The following CDH13 variants were observed in gnomAD, a reference collection of about 807,000 sequenced individuals.
CDH13 encodes cadherin 13, also known as cadherin-13.
A neutral mutation model predicts 63.8 loss-of-function variants in CDH13; 24 were observed. That is an observed-to-expected ratio of 0.38 (90% confidence interval 0.27 to 0.53). The LOEUF (loss-of-function observed/expected upper bound fraction) is 0.53, where lower values mean the gene tolerates loss of function less well. Among genes scored for constraint, CDH13 ranks in the 20% least tolerant of loss-of-function variants. The probability of loss-of-function intolerance (pLI) is 0.85; values close to 1 mark genes in which losing one functional copy is unlikely to be tolerated. For missense variants in CDH13, 1,049 were observed against 903.1 expected (o/e 1.16, Z -2.07); for synonymous variants, 503 against 355.3 (o/e 1.42, Z -4.67).
At chr16:83,025,264 A>G (rs747912011) in intron 2 of CDH13, among the ~76,000 whole-genome samples, 3 of 152,214 alleles carry the variant, frequency 2.0e-5, no homozygotes, top group Non-Finnish European at 4.4e-5. Context: ...GTCGAGGATT[A>G]AAGAATATAG....
At chr16:82,968,777 C>T (rs1223674627) in intron 2 of CDH13, among the ~76,000 whole-genome samples, 1 of 152,186 alleles carries the variant, frequency 6.6e-6, no homozygotes, top group African/African-American at 2.4e-5. Flanking sequence ...CCGTTCCCCT[C>T]AATAGGCTGT....
At chr16:83,158,003 C>A (rs777266194) in intron 4 of CDH13, among the ~76,000 whole-genome samples, 2 of 152,140 alleles carry the variant, frequency 1.3e-5, no homozygotes, top group Non-Finnish European at 2.9e-5. Flanking sequence ...CAGCCCCCAA[C>A]CAATGCATGC....
chr16:82,706,328 C>T (rs1195583099), intron 1 of CDH13, among the ~76,000 whole-genome samples: 1 of 152,058 alleles, frequency 6.6e-6, no homozygotes, highest in African/African-American at 2.4e-5. Flanking sequence ...GAAAAATGGC[C>T]AGCGAGTATT....
chr16:83,036,898 T>C (rs1411237245), intron 3 of CDH13, among the ~76,000 whole-genome samples: 1 of 152,148 alleles, frequency 6.6e-6, no homozygotes, highest in African/African-American at 2.4e-5. Flanking sequence ...GGGTCCACTT[T>C]TCTTGGCCAG....
rs560360111 is a variant in CDH13, at chr16:83,370,868, A to G, written c.781+25862A>G. Among the ~76,000 whole-genome samples the G allele has an allele frequency of 5.9e-5, 9 of 152,272 alleles. No homozygotes were observed. In the East Asian group the frequency reaches 1.2e-3, roughly 20 times the overall value. ...GTACCATATTTCTTTAATCCAGTCT[A>G]CTGTTGATGGGCATTTAGGTTGAAT... is the stretch of plus-strand genomic sequence containing the variant. On this transcript the variant is annotated intron_variant, in intron 6 of 13. Coordinates refer to ENST00000567109, the MANE Select transcript of CDH13 (RefSeq NM_001257.5).
chr16:83,297,336 G>T (rs770087159), intron 5 of CDH13, among the ~76,000 whole-genome samples: 1 of 152,066 alleles, frequency 6.6e-6, no homozygotes, highest in Non-Finnish European at 1.5e-5. Flanking sequence ...AGCTCACATT[G>T]TACCACATAA....
At chr16:83,772,105 A>G (rs998661719) in intron 11 of CDH13, among the ~76,000 whole-genome samples, 1 of 152,218 alleles carries the variant, frequency 6.6e-6, no homozygotes, top group African/African-American at 2.4e-5. Flanking sequence ...TGAGAACCTT[A>G]AATGAGATGC....
At chr16:83,563,233 G>A (rs1258236147) in intron 7 of CDH13, among the ~76,000 whole-genome samples, 1 of 152,174 alleles carries the variant, frequency 6.6e-6, no homozygotes, top group Non-Finnish European at 1.5e-5. Flanking sequence ...TAATAACATG[G>A]GGAAGCATTA....
rs9930819 is a variant in CDH13 at position 83,082,880 on chromosome 16, C to T, written c.367-42505C>T. On this transcript the variant is annotated intron_variant, in intron 3 of 13. Coordinates refer to ENST00000567109, the MANE Select transcript of CDH13 (RefSeq NM_001257.5). The stretch of plus-strand genomic sequence containing the variant: ...GCTGTTTTAACAGCAACAGTGAATT[C>T]GCACGTTTGTTTTTCAGGCCATGCA... Among the ~76,000 whole-genome samples, 148 of 152,250 alleles carry T rather than the reference C, an allele frequency of 9.7e-4. 2 individuals are homozygous for T. The highest frequency in any genetic ancestry group is 3.2e-3 in the African/African-American group (134 of 41,548).
chr16:83,235,574 G>T (rs1032363137), intron 5 of CDH13, among the ~76,000 whole-genome samples: 1 of 87,752 alleles, frequency 1.1e-5, no homozygotes, highest in Non-Finnish European at 2.1e-5. Flanking sequence ...TTTATTCTAT[G>T]TGGTGGTGTT....
At chr16:82,664,447 T>C (rs1035464721) in intron 1 of CDH13, among the ~76,000 whole-genome samples, 2 of 152,202 alleles carry the variant, frequency 1.3e-5, no homozygotes, top group African/African-American at 4.8e-5. Context: ...GGGGGCTCAG[T>C]TGCTTGGAAA....
chr16:83,662,349 G>A (rs1457195102), intron 8 of CDH13, among the ~76,000 whole-genome samples: 1 of 152,150 alleles, frequency 6.6e-6, no homozygotes, highest in Non-Finnish European at 1.5e-5. Flanking sequence ...GAGATAACAT[G>A]CAAATCCTTT....
intron 6 of CDH13, among the ~76,000 whole-genome samples, chr16:83,386,756 T>C (rs2091682365): frequency 6.6e-6 from 1 of 152,204 alleles, no homozygotes; most frequent in Non-Finnish European, 1.5e-5. Context: ...GTTTGGGGGA[T>C]GTTTGTTGGC....
At chr16:82,962,111 C>A (rs930596859) in intron 2 of CDH13, among the ~76,000 whole-genome samples, 1 of 152,216 alleles carries the variant, frequency 6.6e-6, no homozygotes. Flanking sequence ...GCAAAAGAGT[C>A]TTTGCAGAGG....
intron 7 of CDH13, among the ~76,000 whole-genome samples, chr16:83,527,343 G>A (rs903217559): frequency 3.0e-4 from 45 of 151,988 alleles, no homozygotes; most frequent in African/African-American, 1.0e-3. Context: ...CAGCTACTTG[G>A]GAGGCTGAGG....
At chr16:82,761,786 C>A (rs561169514) in intron 1 of CDH13, among the ~76,000 whole-genome samples, 1 of 152,106 alleles carries the variant, frequency 6.6e-6, no homozygotes, top group Non-Finnish European at 1.5e-5. Flanking sequence ...TGATTCAAAG[C>A]TGTGAGATTT....
At chr16:83,604,813 C>A (rs917443778) in intron 8 of CDH13, among the ~76,000 whole-genome samples, 1 of 152,116 alleles carries the variant, frequency 6.6e-6, no homozygotes, top group Non-Finnish European at 1.5e-5. Flanking sequence ...TCTGTGTTAC[C>A]AGCTGTGTGA....
chr16:83,441,108 T>C (rs138736491), intron 6 of CDH13, among the ~76,000 whole-genome samples: 18 of 152,316 alleles, frequency 1.2e-4, no homozygotes, highest in African/African-American at 3.8e-4. Flanking sequence ...AAAATAAAAA[T>C]GAAATGTTTT....
intron 6 of CDH13, among the ~76,000 whole-genome samples, chr16:83,450,656 G>A (rs552776915): frequency 2.6e-5 from 4 of 152,314 alleles, no homozygotes; most frequent in African/African-American, 9.6e-5. Context: ...AGATCACGAG[G>A]TCAGGAGATC....
Sources: allele counts gnomAD v4.1 joint callset (sites outside exome capture counted in the v4.1 genomes callset), GRCh38; gene constraint gnomAD v4.1.1; transcripts MANE v1.5; gene names NCBI Gene and HGNC (gene_info 2026-07-23, HGNC 2026-07-21).